RTTN: variants seen among roughly 807,000 people sequenced by gnomAD.
The protein encoded by RTTN is rotatin.
A neutral mutation model predicts 269.2 loss-of-function variants in RTTN; 182 were observed. The observed-to-expected ratio is 0.68, with a 90% CI of 0.60 to 0.76. The LOEUF is 0.76. RTTN is among the 30% of genes least tolerant of loss of function. The probability of loss-of-function intolerance (pLI) is 0.00; values close to 1 mark genes in which losing one functional copy is unlikely to be tolerated. For synonymous variants in RTTN, 1,006 were observed against 963.5 expected (o/e 1.04, Z -0.82); for missense variants, 2,545 against 2,608.6 (o/e 0.98, Z 0.53).
At chr18:70,192,452 G>A (rs992126802) in intron 8 of RTTN, among the ~76,000 whole-genome samples, 8 of 152,050 alleles carry the variant, frequency 5.3e-5, no homozygotes, top group Non-Finnish European at 8.8e-5. Context: ...AGGCCAAGAT[G>A]GGAAGATCAC....
At chr18:70,142,790 C>T (rs1471638799) in intron 18 of RTTN, among the ~76,000 whole-genome samples, 1 of 152,152 alleles carries the variant, frequency 6.6e-6, no homozygotes, top group Non-Finnish European at 1.5e-5. Flanking sequence ...TCAAGACAAG[C>T]CTGGCCAACA....
chr18:70,151,247 T>C (rs2060530849), intron 14 of RTTN, among the ~76,000 whole-genome samples: 1 of 148,906 alleles, frequency 6.7e-6, no homozygotes. Context: ...TTATGTCCTA[T>C]ATATGTGATA....
At chr18:70,176,573 G>C (rs1268856590) in intron 11 of RTTN, 102 bp downstream of exon 11, 1 of 1,087,196 alleles carries the variant, frequency 9.2e-7, no homozygotes, top group Non-Finnish European at 1.2e-6. Context: ...ATGGCCTAAA[G>C]CACAATACCT....
At chr18:70,188,077 C>G in intron 10 of RTTN, 31 bp downstream of exon 10, 2 of 1,258,338 alleles carry the variant, frequency 1.6e-6, no homozygotes, top group Non-Finnish European at 2.3e-6. Flanking sequence ...AATACTATTC[C>G]CTATATCCCA....
chr18:70,031,860 C>T (rs1008932244), intron 40 of RTTN, among the ~76,000 whole-genome samples: 2 of 151,948 alleles, frequency 1.3e-5, no homozygotes, highest in African/African-American at 4.8e-5. Flanking sequence ...GGGGACCCTG[C>T]TCGGGGCTAC....
chr18:70,104,676 G>A (rs1455743718), intron 28 of RTTN, among the ~76,000 whole-genome samples: 2 of 152,132 alleles, frequency 1.3e-5, no homozygotes, highest in African/African-American at 4.8e-5. Flanking sequence ...TGGGGTTTTG[G>A]TGTGGATGTC....
chr18:70,011,296 T>C (rs2056364854), intron 46 of RTTN, among the ~76,000 whole-genome samples: 1 of 152,068 alleles, frequency 6.6e-6, no homozygotes, highest in African/African-American at 2.4e-5. Flanking sequence ...AAAAAGGAAA[T>C]TTCAGGCCAA....
intron 4 of RTTN, among the ~76,000 whole-genome samples, chr18:70,199,815 G>A (rs1267671077): frequency 2.0e-5 from 3 of 152,192 alleles, no homozygotes; most frequent in Admixed American, 6.5e-5. Context: ...CCCTGTGGCT[G>A]ACCAGAACAT....
intron 28 of RTTN, among the ~76,000 whole-genome samples, chr18:70,104,372 T>C (rs1199732984): frequency 6.6e-6 from 1 of 152,208 alleles, no homozygotes; most frequent in Non-Finnish European, 1.5e-5. Flanking sequence ...TACTGTTTAT[T>C]CTAGTTAGCC....
chr18:70,149,137 T>C (rs556022753), intron 16 of RTTN, 100 bp from the exon 17 acceptor site: 1 of 974,380 alleles, frequency 1.0e-6, no homozygotes, highest in African/African-American at 1.7e-5. Context: ...AACTCATAAA[T>C]GTCTTTGGAT....
chr18:70,127,798 A>C, intron 24 of RTTN, 57 bp from the exon 25 acceptor site: 9 of 1,457,296 alleles, frequency 6.2e-6, no homozygotes, highest in Non-Finnish European at 7.4e-6. Context: ...ATAAAAGCTC[A>C]CACTTATTTC....
At chr18:70,073,805 C>G in intron 34 of RTTN, 101 bp downstream of exon 34, 1 of 766,934 alleles carries the variant, frequency 1.3e-6, no homozygotes, top group Non-Finnish European at 2.2e-6. Flanking sequence ...TAAATCATAG[C>G]TGTTATAACC....
intron 40 of RTTN, among the ~76,000 whole-genome samples, chr18:70,033,117 A>C (rs746449798): frequency 2.0e-5 from 3 of 152,120 alleles, no homozygotes; most frequent in Non-Finnish European, 2.9e-5. Context: ...TTCTCGTGAG[A>C]TCTGGTTGTT....
intron 28 of RTTN, among the ~76,000 whole-genome samples, chr18:70,103,562 G>A (rs1452781102): frequency 6.6e-6 from 1 of 152,032 alleles, no homozygotes; most frequent in Non-Finnish European, 1.5e-5. Flanking sequence ...AAGGCAGCAT[G>A]CTGGTCAAGA....
intron 40 of RTTN, among the ~76,000 whole-genome samples, chr18:70,044,293 T>C (rs996718430): frequency 2.0e-5 from 3 of 152,208 alleles, no homozygotes; most frequent in African/African-American, 7.2e-5. Flanking sequence ...AGTTCCTCAT[T>C]TGCATTACTA....
chr18:70,118,047 C>T (rs1170284939), intron 26 of RTTN, among the ~76,000 whole-genome samples: 2 of 151,676 alleles, frequency 1.3e-5, no homozygotes, highest in South Asian at 2.1e-4. Context: ...ATCAAGTAAA[C>T]AACCTCAAGG....
chr18:70,021,106 TA>T (rs1397874452), intron 44 of RTTN: 2 of 268,938 alleles, frequency 7.4e-6, no homozygotes, highest in Non-Finnish European at 1.4e-5. Context: ...AGAAAACATC[TA>T]AATAAAGGCC....
At chr18:70,171,603 A>G (rs1480907081) in intron 11 of RTTN, among the ~76,000 whole-genome samples, 1 of 152,206 alleles carries the variant, frequency 6.6e-6, no homozygotes, top group Non-Finnish European at 1.5e-5. Context: ...AATCTAAGAT[A>G]GCTGTCCTGC....
At chr18:70,037,745 G>A (rs549533563) in intron 40 of RTTN, among the ~76,000 whole-genome samples, 2 of 151,978 alleles carry the variant, frequency 1.3e-5, no homozygotes, top group East Asian at 3.9e-4. Context: ...AAAGTAAAGG[G>A]GACTTTGTCT....
Sources: gnomAD v4.1 joint callset for allele counts (sites outside exome capture counted in the v4.1 genomes callset) on GRCh38, gnomAD v4.1.1 for gene constraint, MANE v1.5 for transcripts, NCBI Gene and HGNC (gene_info 2026-07-23, HGNC 2026-07-21) for gene names.